PHC2: variants seen among roughly 807,000 people sequenced by gnomAD.
The protein encoded by PHC2 is polyhomeotic homolog 2.
A neutral mutation model predicts 87.4 loss-of-function variants in PHC2; 29 were observed. That is an observed-to-expected ratio of 0.33 (90% CI 0.25 to 0.45). The LOEUF is 0.45. PHC2 is among the 20% of genes least tolerant of loss of function. The probability of loss-of-function intolerance (pLI) is 1.00; values close to 1 mark genes in which losing one functional copy is unlikely to be tolerated. For missense variants in PHC2, 857 were observed against 1,136.7 expected (o/e 0.75, Z 3.54); for synonymous variants, 438 against 461.7 (o/e 0.95, Z 0.66).
intron 9 of PHC2, among the ~76,000 whole-genome samples, chr1:33,344,572 G>A (rs991185461): frequency 6.6e-6 from 1 of 152,150 alleles, no homozygotes; most frequent in Admixed American, 6.5e-5. Flanking sequence ...ACTGATTACT[G>A]GAGGCCTCAA....
Position 33,335,957 on chromosome 1 carries a change from TC to T in PHC2, c.1559-1666del, listed in dbSNP as rs375056360. Among the ~76,000 whole-genome samples, 25 of 151,270 alleles carry T rather than the reference TC, an allele frequency of 1.7e-4. No individual in the cohort carries two copies. In the East Asian group the frequency reaches 4.3e-3, roughly 26 times the overall value. ...ATGACTAGTTCATAATGGGTCTTGG[TC>T]CACTCAAGCTCATGTTTTTGTTGTT... is the stretch of plus-strand genomic sequence containing the variant. On this transcript the variant is annotated intron_variant, in intron 9 of 14. Coordinates refer to ENST00000683057, the MANE Select transcript of PHC2 (RefSeq NM_001385109.1).
intron 1 of PHC2, among the ~76,000 whole-genome samples, chr1:33,386,141 G>C (rs908699502): frequency 1.3e-5 from 2 of 151,938 alleles, no homozygotes; most frequent in African/African-American, 4.8e-5. Flanking sequence ...GCTCTTCCTT[G>C]TTTAGCCTTT....
chr1:33,396,305 T>C (rs1649293008), intron 1 of PHC2, among the ~76,000 whole-genome samples: 2 of 151,452 alleles, frequency 1.3e-5, no homozygotes, highest in Admixed American at 1.3e-4. Flanking sequence ...AGCTGGCACG[T>C]GGTACCTCAA....
At chr1:33,380,841 C>T (rs1236129169) in intron 1 of PHC2, among the ~76,000 whole-genome samples, 1 of 152,190 alleles carries the variant, frequency 6.6e-6, no homozygotes, top group Non-Finnish European at 1.5e-5. Flanking sequence ...CCTCCATGAT[C>T]TGACCCATTT....
intron 1 of PHC2, among the ~76,000 whole-genome samples, chr1:33,426,963 A>G (rs1650699236): frequency 6.6e-6 from 1 of 152,170 alleles, no homozygotes; most frequent in Non-Finnish European, 1.5e-5. Context: ...TAAACCAAGC[A>G]TGGGGCCCCT....
intron 1 of PHC2, among the ~76,000 whole-genome samples, chr1:33,419,511 T>C (rs1258205057): frequency 1.3e-5 from 2 of 152,216 alleles, no homozygotes; most frequent in East Asian, 3.9e-4. Context: ...TGTCTTCCTC[T>C]GCCTCTCTAA....
At chr1:33,354,302 G>A (rs1056445263) in intron 9 of PHC2, 99 bp downstream of exon 9, 16 of 1,159,286 alleles carry the variant, frequency 1.4e-5, no homozygotes, top group Non-Finnish European at 2.0e-5. Flanking sequence ...GCTTGTAATA[G>A]TTTACCCTCC....
intron 9 of PHC2, among the ~76,000 whole-genome samples, chr1:33,335,642 C>G (rs1427235782): frequency 3.3e-5 from 5 of 152,218 alleles, no homozygotes; most frequent in African/African-American, 9.6e-5. Flanking sequence ...CGGCTCACAC[C>G]TGTAATCTCA....
chr1:33,420,388 A>G (rs1299068163), intron 1 of PHC2, among the ~76,000 whole-genome samples: 1 of 152,220 alleles, frequency 6.6e-6, no homozygotes, highest in East Asian at 1.9e-4. Context: ...TAAGGTCGCT[A>G]GTAAGAATCA....
At chr1:33,393,053 C>T (rs1205391931) in intron 1 of PHC2, among the ~76,000 whole-genome samples, 1 of 152,176 alleles carries the variant, frequency 6.6e-6, no homozygotes, top group Non-Finnish European at 1.5e-5. Flanking sequence ...TCCCCTCTAT[C>T]CTGTACCCCC....
chr1:33,346,549 T>C, intron 9 of PHC2: 1 of 985,228 alleles, frequency 1.0e-6, no homozygotes, highest in Non-Finnish European at 1.2e-6. Flanking sequence ...AAGTTTAATA[T>C]AAATTTAGAC....
At chr1:33,408,980 A>G (rs1221895451) in intron 1 of PHC2, among the ~76,000 whole-genome samples, 2 of 152,222 alleles carry the variant, frequency 1.3e-5, no homozygotes, top group East Asian at 1.9e-4. Flanking sequence ...ACTACTTTAC[A>G]TGAAGTTTGA....
At chr1:33,335,996 GT>G (rs200111745) in intron 9 of PHC2, among the ~76,000 whole-genome samples, 27 of 146,444 alleles carry the variant, frequency 1.8e-4, no homozygotes, top group African/African-American at 4.0e-4. Context: ...TGTTGTTGTT[GT>G]TTTTTTTTTT....
chr1:33,392,128 A>C (rs1394897490), intron 1 of PHC2, among the ~76,000 whole-genome samples: 3 of 152,070 alleles, frequency 2.0e-5, no homozygotes, highest in African/African-American at 7.2e-5. Context: ...CACAATCTTG[A>C]AAATGAACTA....
intron 1 of PHC2, among the ~76,000 whole-genome samples, chr1:33,404,521 C>T (rs1243566189): frequency 3.9e-5 from 6 of 152,170 alleles, no homozygotes; most frequent in African/African-American, 1.4e-4. Context: ...TTTCTTGTCT[C>T]TTCTTTCCAC....
intron 1 of PHC2, among the ~76,000 whole-genome samples, chr1:33,393,255 A>C (rs1649148236): frequency 1.3e-5 from 2 of 152,096 alleles, no homozygotes; most frequent in African/African-American, 4.8e-5. Flanking sequence ...CATGCTCAGT[A>C]GTTGTCTGGG....
Position 33,349,793 on chromosome 1 carries a change from G to A in PHC2, c.1558+4608C>T. 1.0e-6 allele frequency: 1 copy of A among 977,606 alleles called. No homozygotes were observed. Among genetic ancestry groups the A allele is most frequent in the Non-Finnish European group, 1.2e-6 (1 of 825,766 alleles). 60.6% of individuals were successfully genotyped at this position (977,606 alleles called of 1,614,324 possible). A position where few individuals can be genotyped will look rare whatever the true frequency, so the allele number is the denominator to read the frequency against. ...TCAACAAAGGGCGGCCGGGGCGCGA[G>A]GCCGGGACGGGGGCGCGAGGCCGGG... On this transcript the variant is annotated intron_variant, in intron 9 of 14. Transcript: ENST00000683057. This position sits in a 1 kb window ranked among gnomAD's most constrained non-coding sequence, Gnocchi z 4.2.
At chr1:33,337,192 A>G (rs1646655750) in intron 9 of PHC2, among the ~76,000 whole-genome samples, 2 of 152,178 alleles carry the variant, frequency 1.3e-5, no homozygotes, top group Non-Finnish European at 1.5e-5. Context: ...ATAGGATTGG[A>G]AAGTCTGGTT....
At chr1:33,416,271 T>G (rs970665845) in intron 1 of PHC2, among the ~76,000 whole-genome samples, 1 of 152,014 alleles carries the variant, frequency 6.6e-6, no homozygotes, top group African/African-American at 2.4e-5. Flanking sequence ...TAGATAAGAA[T>G]TACAGCAGAT....
Sources: allele counts gnomAD v4.1 joint callset (sites outside exome capture counted in the v4.1 genomes callset), GRCh38; gene constraint gnomAD v4.1.1; non-coding constraint Gnocchi (gnomAD v3.1); transcripts MANE v1.5; gene names NCBI Gene and HGNC (gene_info 2026-07-23, HGNC 2026-07-21).